Variants in VPS37B observed in about 807,000 individuals in gnomAD.
The protein encoded by VPS37B is vacuolar protein sorting-associated protein 37B.
Under a neutral mutation model 21.2 loss-of-function variants are expected in VPS37B, and 11 were observed. That is an observed-to-expected ratio of 0.52 (90% confidence interval 0.33 to 0.86). The LOEUF (loss-of-function observed/expected upper bound fraction) is 0.86, where lower values mean the gene tolerates loss of function less well. Among genes scored for constraint, VPS37B ranks in the 40% least tolerant of loss-of-function variants. The pLI, the probability that VPS37B is intolerant of heterozygous loss-of-function variation, is 0.03. For missense variants in VPS37B, 389 were observed against 374.8 expected (o/e 1.04, Z -0.31); for synonymous variants, 175 against 159.6 (o/e 1.10, Z -0.73).
chr12:122,883,551 G>C (rs1022948657), intron 1 of VPS37B: 2 of 152,170 alleles, frequency 1.3e-5, no homozygotes, highest in Non-Finnish European at 2.9e-5. Flanking sequence ...GCAGTGGCAC[G>C]ATCTCAGCTC....
chr12:122,889,356 T>C, intron 1 of VPS37B: 1 of 152,590 alleles, frequency 6.6e-6, no homozygotes, highest in Non-Finnish European at 1.5e-5. Flanking sequence ...CTTCCTAACC[T>C]CCACTTCCGC....
chr12:122,870,606 C>A, intron 2 of VPS37B: 1 of 284,800 alleles, frequency 3.5e-6, no homozygotes, highest in African/African-American at 2.2e-5. Context: ...TGGGGTAGTG[C>A]ACACCTGTGG....
chr12:122,894,748 G>A (rs1156625820), intron 1 of VPS37B, among the ~76,000 whole-genome samples: 1 of 152,236 alleles, frequency 6.6e-6, no homozygotes, highest in Non-Finnish European at 1.5e-5. Flanking sequence ...CTGCAAGGAT[G>A]AAGTCAGTTA....
Position 122,868,714 on chromosome 12 carries a change from GC to G in VPS37B, c.284-153del. 1.5e-6 allele frequency: 1 copy of G among 671,464 alleles called. No individual in the cohort carries two copies. The highest frequency in any genetic ancestry group is 1.8e-5 in the South Asian group (1 of 55,466). The allele number at this position is 671,464 out of a possible 1,614,324, so 41.6% of individuals were successfully genotyped here. A position where few individuals can be genotyped will look rare whatever the true frequency, so the allele number is the denominator to read the frequency against. ...AGGGGAACAAGTGCACCAAGCCAGT[GC>G]CCAGGGGCCAACATCCCATGTCAGA... On this transcript the variant is annotated intron_variant, in intron 2 of 3. Coordinates refer to ENST00000267202, the MANE Select transcript of VPS37B (RefSeq NM_024667.3). This position sits in a 1 kb window ranked among gnomAD's most constrained non-coding sequence, Gnocchi z 5.5.
At position 122,870,885 on chromosome 12, in the gene VPS37B, G is replaced by A. The variant is rs1416393153; in HGVS notation, c.283+5C>T. The A allele has an allele frequency of 2.5e-6, 4 of 1,610,216 alleles. No individual in the cohort carries two copies. The highest frequency in any genetic ancestry group is 3.4e-6 in the Non-Finnish European group (4 of 1,178,132). Reference sequence around the variant, plus strand: ...ATTCTCGAATGATCACCCTTAAAAAGTTACCTAATTTGGTCTTCTTTATCT... The same window carrying A: ...ATTCTCGAATGATCACCCTTAAAAAATTACCTAATTTGGTCTTCTTTATCT... On this transcript the variant is annotated splice_donor_5th_base_variant and intron_variant, in intron 2 of 3. Coordinates refer to ENST00000267202, the MANE Select transcript of VPS37B (RefSeq NM_024667.3).
rs760218716 is a variant in VPS37B, at chr12:122,867,519, C to T, written c.455G>A (p.Arg152Gln). 1.1e-5 allele frequency: 17 copies of T among 1,613,948 alleles called. No individual in the cohort carries two copies. In the South Asian group the frequency reaches 1.3e-4, roughly 13 times the overall value. Reference protein sequence around the residue: ...YQSKRKLAHMRRVKIEKLQEM... With the variant: ...YQSKRKLAHMQRVKIEKLQEM... ...CTGGAGCTTCTCGATTTTCACCCGT[C>T]GCATGTGGGCCAGTTTCCGTTTGCT... Residue 152 changes from arginine to glutamine, a missense_variant, in exon 4 of 4, where the codon CGA (arginine) becomes CAA (glutamine). Arg to Gln is a conservative substitution (Grantham distance 43). Coordinates refer to ENST00000267202, the MANE Select transcript of VPS37B (RefSeq NM_024667.3). This position sits in a 1 kb window ranked among gnomAD's most constrained non-coding sequence, Gnocchi z 5.5.
chr12:122,896,029 C>T lies in VPS37B; in HGVS notation c.34G>A (p.Gly12Arg). The change falls in exon 1 of 4, where the codon GGG becomes AGG. Residue 12 changes from glycine to arginine, a missense_variant. Coordinates refer to ENST00000267202, the MANE Select transcript of VPS37B (RefSeq NM_024667.3). ...TCGTTGAGCTGCACCAGCGACAGCC[C>T]GGCGAACCGGGCTTCGCTCCCGGCG... Reference protein sequence around the residue: ...AGAGSEARFAGLSLVQLNELL... With the variant: ...AGAGSEARFARLSLVQLNELL... 1 of 1,591,064 alleles carries T rather than the reference C, an allele frequency of 6.3e-7. No homozygotes were observed.
At chr12:122,870,800 C>T (rs533847216) in intron 2 of VPS37B, 90 bp downstream of exon 2, 20 of 1,419,520 alleles carry the variant, frequency 1.4e-5, no homozygotes, top group Admixed American at 1.1e-4. Context: ...GAAATTTTTC[C>T]GTAATATTTC....
In VPS37B at chr12:122,867,018, A is replaced by G; in HGVS notation, c.*98T>C. 1.5e-6 allele frequency: 2 copies of G among 1,374,144 alleles called. No homozygotes were observed. 85.1% of individuals were successfully genotyped at this position (1,374,144 alleles called of 1,614,324 possible). A position where few individuals can be genotyped will look rare whatever the true frequency, so the allele number is the denominator to read the frequency against. ...GACAGACACGCTGGCCCAGGGCCCC[A>G]GAGCCCTTGGCACAGAGCGGACCTC... On this transcript the variant is annotated 3_prime_UTR_variant, in exon 4 of 4. Transcript: ENST00000267202. This position sits in a 1 kb window ranked among gnomAD's most constrained non-coding sequence, Gnocchi z 5.5.
In VPS37B at chr12:122,895,690, C is replaced by G. The variant is rs963600122; in HGVS notation, c.111+262G>C. ...GGACCCCCAATCGGCTCCCCAAGCC[C>G]CGTCTCAGGACCCTTTTTCCCGCCT... On this transcript the variant is annotated intron_variant, in intron 1 of 3. Coordinates refer to ENST00000267202, the MANE Select transcript of VPS37B (RefSeq NM_024667.3). Among the ~76,000 whole-genome samples, 3 of 151,954 alleles carry G rather than the reference C, an allele frequency of 2.0e-5. No homozygotes were observed. The East Asian group carries it at 5.8e-4, about 29-fold the overall frequency.
At chr12:122,895,807 AC>A (rs2034483643) in intron 1 of VPS37B, 144 bp downstream of exon 1, 1 of 502,488 alleles carries the variant, frequency 2.0e-6, no homozygotes, top group African/African-American at 2.5e-5. Flanking sequence ...TGGCTCCCGC[AC>A]CCCGCCCCAA....
intron 1 of VPS37B, chr12:122,879,096 A>G (rs1185950551): frequency 6.6e-6 from 1 of 152,268 alleles, no homozygotes; most frequent in East Asian, 1.9e-4. Context: ...GTCCTCCCCT[A>G]GAGCCTCCAG....
At chr12:122,891,904 C>CGGGCAT (rs2034417363) in intron 1 of VPS37B, among the ~76,000 whole-genome samples, 1 of 152,186 alleles carries the variant, frequency 6.6e-6, no homozygotes, top group Non-Finnish European at 1.5e-5. Flanking sequence ...TTTTTGCATG[C>CGGGCAT]GGGCATGGGC....
chr12:122,871,953 C>T, intron 1 of VPS37B: 1 of 985,490 alleles, frequency 1.0e-6, no homozygotes, highest in Non-Finnish European at 1.2e-6. Flanking sequence ...TTTCCTTCCA[C>T]ACCGTCAGTT....
At chr12:122,873,322 A>T (rs1450241227) in intron 1 of VPS37B, 1 of 152,152 alleles carries the variant, frequency 6.6e-6, no homozygotes, top group Admixed American at 6.6e-5. Context: ...ATAAAATTTA[A>T]CTGTAAATAC....
In VPS37B at chr12:122,868,290, G is replaced by A. The variant is rs1304640426; in HGVS notation, c.366+190C>T. 6.6e-6 allele frequency among the ~76,000 whole-genome samples: 1 copy of A among 152,080 alleles called. No individual in the cohort carries two copies. Among genetic ancestry groups the A allele is most frequent in the East Asian group, 1.9e-4 (1 of 5,180 alleles). The stretch of plus-strand genomic sequence containing the variant: ...GCTCGGACCTGCCCTCACTCACCCC[G>A]CTGCTCCCTGGACCCCTGCCTGGCA... On this transcript the variant is annotated intron_variant, in intron 3 of 3. Coordinates refer to ENST00000267202, the MANE Select transcript of VPS37B (RefSeq NM_024667.3). The surrounding 1 kb of genome is among the most constrained non-coding windows in gnomAD (Gnocchi z 5.5).
In VPS37B at chr12:122,867,006, G is replaced by GCCCAGGGC. The variant is rs1214921514; in HGVS notation, c.*102_*109dup. The GCCCAGGGC allele has an allele frequency of 4.1e-5, 55 of 1,335,014 alleles. No individual in the cohort carries two copies. The highest frequency in any genetic ancestry group is 5.0e-5 in the Non-Finnish European group (51 of 1,019,544). 82.7% of individuals were successfully genotyped at this position (1,335,014 alleles called of 1,614,324 possible). A position where few individuals can be genotyped will look rare whatever the true frequency, so the allele number is the denominator to read the frequency against. ...GTTCTAAAATCAGACAGACACGCTGGCCCAGGGCCCCAGAGCCCTTGGCAC... is the reference window on the plus strand; with the variant it reads ...GTTCTAAAATCAGACAGACACGCTGGCCCAGGGCCCCAGGGCCCCAGAGCCCTTGGCAC... On this transcript the variant is annotated 3_prime_UTR_variant, in exon 4 of 4. Coordinates refer to ENST00000267202, the MANE Select transcript of VPS37B (RefSeq NM_024667.3). The surrounding 1 kb of genome is among the most constrained non-coding windows in gnomAD (Gnocchi z 5.5).
chr12:122,870,780 A>T (rs1310409622), intron 2 of VPS37B, 110 bp downstream of exon 2: 5 of 1,160,912 alleles, frequency 4.3e-6, no homozygotes, highest in Admixed American at 2.3e-5. Flanking sequence ...TAGAGTCGCT[A>T]TCTTAACCTG....
At chr12:122,871,954 A>G (rs1247301515) in intron 1 of VPS37B, 1 of 984,806 alleles carries the variant, frequency 1.0e-6, no homozygotes, top group Non-Finnish European at 1.2e-6. Flanking sequence ...TTCCTTCCAC[A>G]CCGTCAGTTT....
Sources: allele counts gnomAD v4.1 joint callset (sites outside exome capture counted in the v4.1 genomes callset), GRCh38; gene constraint gnomAD v4.1.1; non-coding constraint Gnocchi (gnomAD v3.1); transcripts MANE v1.5; gene names NCBI Gene and HGNC (gene_info 2026-07-23, HGNC 2026-07-21).